SOX6: variants seen among roughly 807,000 people sequenced by gnomAD.
SOX6 encodes SRY-box transcription factor 6.
SOX6 carries 11 observed loss-of-function variants against 97.8 expected under a neutral mutation model. That is an observed-to-expected ratio of 0.11 (90% CI 0.07 to 0.19). The LOEUF is 0.19. Among genes scored for constraint, SOX6 ranks in the 10% least tolerant of loss-of-function variants. The pLI is 1.00. For synonymous variants in SOX6, 360 were observed against 371.4 expected, an observed-to-expected ratio of 0.97 and a Z score of 0.35; for missense variants, 810 against 1,039.5, an observed-to-expected ratio of 0.78 and a Z score of 3.04.
chr11:16,049,817 A>C lies in SOX6; in HGVS notation c.1373T>G (p.Leu458Arg). Residue 458 changes from leucine to arginine, a missense_variant, in exon 11 of 16, where the codon CTG (leucine) becomes CGG (arginine). Leu to Arg is a moderately radical substitution (Grantham distance 102). Around this residue, in one of 9 missense-constraint regions of SOX6, gnomAD observed 244 missense variants for 261.0 expected, o/e 0.93. Transcript: ENST00000683767. ...GCTAGGGATGCTGCTTTTGTTTGGCAGATTGACAGGGCTGGTTTTGCTGGC... is the reference window on the plus strand; with the variant it reads ...GCTAGGGATGCTGCTTTTGTTTGGCCGATTGACAGGGCTGGTTTTGCTGGC... ...FPASKTSPVN[L>R]PNKSSIPSPI... The C allele has an allele frequency of 6.2e-7, 1 of 1,613,276 alleles. No homozygotes were observed. Among genetic ancestry groups the C allele is most frequent in the Non-Finnish European group, 8.5e-7 (1 of 1,179,694 alleles).
At chr11:16,552,824 CTAGGCTGGTACTCATAAG>C (rs1480154948) in intron 4 of SOX6, among the ~76,000 whole-genome samples, 1 of 152,142 alleles carries the variant, frequency 6.6e-6, no homozygotes, top group Non-Finnish European at 1.5e-5. Context: ...TAGCCTTCCT[CTAGGCTGGTACTCATAAG>C]TAAGTTTGAT....
chr11:16,349,279 T>C (rs1331644000), intron 1 of SOX6, among the ~76,000 whole-genome samples: 1 of 152,098 alleles, frequency 6.6e-6, no homozygotes, highest in Non-Finnish European at 1.5e-5. Flanking sequence ...ACTCTAAATA[T>C]AGGGGCTTTT....
intron 12 of SOX6, among the ~76,000 whole-genome samples, chr11:16,027,965 T>C (rs1855259035): frequency 6.6e-6 from 1 of 152,232 alleles, no homozygotes; most frequent in Non-Finnish European, 1.5e-5. Context: ...GTAAGACTTA[T>C]TTGGGAATAC....
chr11:16,494,432 G>A (rs912129824), intron 4 of SOX6, among the ~76,000 whole-genome samples: 2 of 152,104 alleles, frequency 1.3e-5, no homozygotes, highest in Non-Finnish European at 2.9e-5. Flanking sequence ...TACACATCCT[G>A]ATACATATAT....
At chr11:16,301,206 T>C (rs765349230) in intron 3 of SOX6, among the ~76,000 whole-genome samples, 5 of 152,338 alleles carry the variant, frequency 3.3e-5, no homozygotes, top group Non-Finnish European at 7.3e-5. Flanking sequence ...CTATTACTCC[T>C]TGACATATAC....
chr11:16,353,250 A>C (rs1296645390), intron 1 of SOX6, among the ~76,000 whole-genome samples: 1 of 151,984 alleles, frequency 6.6e-6, no homozygotes, highest in African/African-American at 2.4e-5. Flanking sequence ...CCTTGAGAGA[A>C]AACAAGATGA....
At chr11:16,118,755 T>G (rs1204186873) in intron 6 of SOX6, among the ~76,000 whole-genome samples, 1 of 152,236 alleles carries the variant, frequency 6.6e-6, no homozygotes, top group Non-Finnish European at 1.5e-5. Flanking sequence ...TGAAGATTAT[T>G]TAACTTTTTT....
At chr11:16,424,488 A>G (rs1204140144) in intron 1 of SOX6, among the ~76,000 whole-genome samples, 5 of 152,226 alleles carry the variant, frequency 3.3e-5, no homozygotes, top group African/African-American at 1.2e-4. Flanking sequence ...TGGATCCTGA[A>G]TCTCCAACAC....
chr11:16,095,410 A>T (rs1208395722), intron 9 of SOX6, among the ~76,000 whole-genome samples: 1 of 151,846 alleles, frequency 6.6e-6, no homozygotes, highest in Non-Finnish European at 1.5e-5. Context: ...TATGAAAAGA[A>T]TACTACAGAA....
chr11:16,120,954 A>G (rs1044557290), intron 6 of SOX6, among the ~76,000 whole-genome samples: 33 of 149,860 alleles, frequency 2.2e-4, no homozygotes, highest in African/African-American at 8.0e-4. Context: ...TACATGTTTT[A>G]AAAATCTTCT....
At chr11:16,640,074 G>A (rs917787188) in intron 3 of SOX6, among the ~76,000 whole-genome samples, 4 of 152,280 alleles carry the variant, frequency 2.6e-5, no homozygotes, top group African/African-American at 9.6e-5. Context: ...ATTATTTTGA[G>A]ATACGTCCCA....
chr11:16,585,764 C>G (rs538563747), intron 4 of SOX6, among the ~76,000 whole-genome samples: 1 of 149,352 alleles, frequency 6.7e-6, no homozygotes, highest in East Asian at 2.0e-4. Context: ...TTTGCCACAG[C>G]CAGGACCTTC....
At chr11:16,141,661 C>A (rs944139039) in intron 6 of SOX6, among the ~76,000 whole-genome samples, 16 of 152,006 alleles carry the variant, frequency 1.1e-4, no homozygotes, top group African/African-American at 3.1e-4. Flanking sequence ...GGGTCACTCC[C>A]ACCATTTTCC....
upstream of SOX6, among the ~76,000 whole-genome samples, chr11:16,361,206 G>A (rs569136842): frequency 6.6e-6 from 1 of 152,184 alleles, no homozygotes; most frequent in East Asian, 1.9e-4. Context: ...CAGCCAATAA[G>A]GGTGGCAGAG....
chr11:16,673,030 C>G (rs1300080927), intron 3 of SOX6, among the ~76,000 whole-genome samples: 1 of 150,420 alleles, frequency 6.6e-6, no homozygotes, highest in Non-Finnish European at 1.5e-5. Context: ...TGAGATCATG[C>G]CACTGCACTC....
chr11:16,158,865 GGTGTGTGTGTGTGTGT>G (rs10549567), intron 6 of SOX6, among the ~76,000 whole-genome samples: 1 of 145,912 alleles, frequency 6.9e-6, no homozygotes, highest in Non-Finnish European at 1.5e-5. Flanking sequence ...TGAAGTTACA[GGTGTGTGTGTGTGTGT>G]GTGTGTGTGT....
intron 6 of SOX6, among the ~76,000 whole-genome samples, chr11:16,162,342 T>C (rs1850771931): frequency 6.6e-6 from 1 of 152,200 alleles, no homozygotes; most frequent in South Asian, 2.1e-4. Context: ...ACATGTGATC[T>C]TGGACAAGCA....
At chr11:16,700,927 G>C (rs1454505756) in intron 3 of SOX6, among the ~76,000 whole-genome samples, 1 of 152,042 alleles carries the variant, frequency 6.6e-6, no homozygotes, top group African/African-American at 2.4e-5. Flanking sequence ...GGGCCATAAG[G>C]TATGTGGTAT....
Position 15,968,510 on chromosome 11 carries a change from C to G in SOX6, c.*4299G>C, listed in dbSNP as rs1853205356. 6.6e-6 allele frequency: 1 copy of G among 152,192 alleles called. No individual in the cohort carries two copies. The allele number at this position is 152,192 out of a possible 1,614,324, so 9.4% of individuals were successfully genotyped here. A position where few individuals can be genotyped will look rare whatever the true frequency, so the allele number is the denominator to read the frequency against. On this transcript the variant is annotated 3_prime_UTR_variant, in exon 16 of 16. Transcript: ENST00000683767. ...GCCTCAGCTGTGCTGTTCAAGTGAC[C>G]AGGCTGCCTTCCTACTGAGGGTAAA...
Sources: gnomAD v4.1 joint callset for allele counts (sites outside exome capture counted in the v4.1 genomes callset) on GRCh38, gnomAD v4.1.1 for gene constraint, gnomAD v4.1.1 regional missense constraint, MANE v1.5 for transcripts, NCBI Gene and HGNC (gene_info 2026-07-23, HGNC 2026-07-21) for gene names.